Variants in NID1 observed in about 807,000 individuals in gnomAD.
The protein encoded by NID1 is nidogen 1, also known as nidogen-1.
A neutral mutation model predicts 130.6 loss-of-function variants in NID1; 76 were observed. That is an observed-to-expected ratio of 0.58 (90% CI 0.48 to 0.70). The LOEUF is 0.70. Among genes scored for constraint, NID1 ranks in the 30% least tolerant of loss-of-function variants. NID1 has a pLI of 0.00. For synonymous variants in NID1, 665 were observed against 675.1 expected, an observed-to-expected ratio of 0.98 and a Z score of 0.23; for missense variants, 1,517 against 1,664.8, an observed-to-expected ratio of 0.91 and a Z score of 1.54.
chr1:235,985,402 T>C lies in NID1; in HGVS notation c.3032A>G (p.Glu1011Gly), dbSNP rs756241835. The C allele has an allele frequency of 1.9e-6, 3 of 1,614,022 alleles. No individual in the cohort carries two copies. The highest frequency in any genetic ancestry group is 2.2e-5 in the South Asian group (2 of 91,080). ...SIGRASLHGG[E>G]PTTIIRQDLG... ...ACCTTGTCTAATGATGGTGGTTGGC[T>C]CTCCACCATGTAGACTAGCTCTCCC... Residue 1011 changes from glutamate (E) to glycine (G), a missense_variant, in exon 15 of 20, where the codon GAG (glutamate) becomes GGG (glycine). Glu to Gly is a moderately conservative substitution (Grantham distance 98, BLOSUM62 -2). Transcript: ENST00000264187.
In NID1 at chr1:236,038,906, C is replaced by T. The variant is rs866013055; in HGVS notation, c.1136-653G>A. ...CCTATGTTATATAGGTCATATATAA[C>T]ATAAATATATTACATATATGTAATA... is the stretch of plus-strand genomic sequence containing the variant. On this transcript the variant is annotated intron_variant, in intron 4 of 19. Transcript: ENST00000264187. Among the ~76,000 whole-genome samples, 159 of 111,010 alleles carry T rather than the reference C, an allele frequency of 1.4e-3. 1 individual carries two copies. Among genetic ancestry groups the T allele is most frequent in the African/African-American group, 5.1e-3 (123 of 24,326 alleles). The allele number at this position is 111,010 out of a possible 152,430, so 72.8% of individuals were successfully genotyped here. A position where few individuals can be genotyped will look rare whatever the true frequency, so the allele number is the denominator to read the frequency against.
intron 7 of NID1, 52 bp downstream of exon 7, chr1:236,029,498 A>G: frequency 6.6e-7 from 1 of 1,522,296 alleles, no homozygotes. Flanking sequence ...GGTCAAGAGC[A>G]CGAGGCTAGT....
At chr1:235,998,374 G>C (rs983025716) in intron 12 of NID1, among the ~76,000 whole-genome samples, 23 of 152,106 alleles carry the variant, frequency 1.5e-4, no homozygotes, top group African/African-American at 5.6e-4. Flanking sequence ...AAGCCATCTG[G>C]TTAGAATAAA....
At chr1:236,047,128 A>G (rs930545715) in intron 2 of NID1, among the ~76,000 whole-genome samples, 1 of 152,190 alleles carries the variant, frequency 6.6e-6, no homozygotes, top group East Asian at 1.9e-4. Flanking sequence ...AAACAAAAAC[A>G]AAAACAAAAA....
chr1:236,010,944 G>A (rs573637388), intron 12 of NID1, among the ~76,000 whole-genome samples: 15 of 152,310 alleles, frequency 9.8e-5, no homozygotes, highest in Middle Eastern at 3.4e-3. Context: ...TAGGAATGGA[G>A]CTGATGCATT....
chr1:236,015,498 T>G (rs1357434315), intron 10 of NID1, among the ~76,000 whole-genome samples: 1 of 151,726 alleles, frequency 6.6e-6, no homozygotes, highest in African/African-American at 2.4e-5. Context: ...AATACAAAAC[T>G]TAGCTGGGAG....
chr1:235,987,437 A>C (rs1342083895), intron 14 of NID1, among the ~76,000 whole-genome samples: 2 of 152,256 alleles, frequency 1.3e-5, no homozygotes, highest in Non-Finnish European at 2.9e-5. Context: ...TGAAAGGTAC[A>C]CAGGACCTCT....
chr1:236,042,927 G>C (rs927287147), intron 3 of NID1, among the ~76,000 whole-genome samples: 1 of 152,188 alleles, frequency 6.6e-6, no homozygotes, highest in African/African-American at 2.4e-5. Context: ...CTCCAGGGAG[G>C]GGAGATGGGC....
chr1:236,044,788 G>A (rs1659550386), intron 3 of NID1, among the ~76,000 whole-genome samples: 1 of 152,164 alleles, frequency 6.6e-6, no homozygotes, highest in African/African-American at 2.4e-5. Flanking sequence ...CACCATTTCT[G>A]TTGTAAGAAT....
In NID1 at chr1:236,029,792, C is replaced by G. The variant is rs544844102; in HGVS notation, c.1538-42G>C. The stretch of plus-strand genomic sequence containing the variant: ...GACTGTCACTTTGCTGACTGGGGAG[C>G]GCGCCCTTCTGCCCGCCCCAGGCTC... On this transcript the variant is annotated intron_variant, in intron 6 of 19. Transcript: ENST00000264187. The G allele has an allele frequency of 2.5e-6, 4 of 1,597,924 alleles. No individual in the cohort carries two copies. In the South Asian group the frequency reaches 4.4e-5, roughly 18 times the overall value.
At chr1:236,035,005 T>TTA (rs1553347901) in intron 5 of NID1, among the ~76,000 whole-genome samples, 1 of 150,322 alleles carries the variant, frequency 6.7e-6, no homozygotes, top group Non-Finnish European at 1.5e-5. Context: ...TCTTTTTTTT[T>TTA]ATTATACTTT....
intron 14 of NID1, among the ~76,000 whole-genome samples, chr1:235,989,454 A>C (rs982472585): frequency 6.6e-6 from 1 of 152,210 alleles, no homozygotes; most frequent in Non-Finnish European, 1.5e-5. Context: ...GAATACAATG[A>C]TCATGCATGC....
rs903038956 is a variant in NID1 at position 236,013,395 on chromosome 1, C to T, written c.2404+16G>A. 2 of 1,613,268 alleles carry T rather than the reference C, an allele frequency of 1.2e-6. No homozygotes were observed. The highest frequency in any genetic ancestry group is 3.3e-5 in the Admixed American group (2 of 59,996). Reference sequence around the variant, plus strand: ...TCTCAGGTTACACACAGGGGAAGATCAGAGCAACCACACACCTTGGCAGGC... The same window carrying T: ...TCTCAGGTTACACACAGGGGAAGATTAGAGCAACCACACACCTTGGCAGGC... On this transcript the variant is annotated intron_variant, in intron 11 of 19. Transcript: ENST00000264187.
In NID1 at chr1:235,990,990, G is replaced by A. The variant is rs373483665; in HGVS notation, c.2824C>T (p.Pro942Ser). ...TGGGCAAAGAGTAAATGGGTCCCAG[G>A]AGGCAAGGGGATCACGGCGGTAGGC... ...AVPTAVIPLPPGTHLLFAQTG... is the reference protein window; with the variant it reads ...AVPTAVIPLPSGTHLLFAQTG... The change falls in exon 14 of 20, where the codon CCT becomes TCT. Residue 942 changes from proline to serine, a missense_variant. Pro to Ser is a moderately conservative substitution (Grantham distance 74). This residue lies in a region of NID1 where 1,329 missense variants were observed against 1,429.2 expected (regional missense o/e 0.93). Transcript: ENST00000264187. 37 of 1,613,876 alleles carry A rather than the reference G, an allele frequency of 2.3e-5. No individual in the cohort carries two copies. Among genetic ancestry groups the A allele is most frequent in the Non-Finnish European group, 2.9e-5 (34 of 1,179,952 alleles).
At chr1:236,030,512 A>G (rs1044926547) in intron 6 of NID1, among the ~76,000 whole-genome samples, 4 of 152,248 alleles carry the variant, frequency 2.6e-5, no homozygotes, top group African/African-American at 9.6e-5. Context: ...TGAAAATTAT[A>G]TACAATTTAA....
chr1:235,990,916 C>A lies in NID1; in HGVS notation c.2898G>T (p.Lys966Asn). ...CATGAAGGAACGCCTTTGCTTCTGT[C>A]TTCCTCATGGTATTTCCCTCCAGGG... ...RLPLEGNTMR[K>N]TEAKAFLHVP... is the part of the protein sequence containing the mutation. Residue 966 changes from lysine (K) to asparagine (N), a missense_variant, in exon 14 of 20, where the codon AAG becomes AAT. Physicochemically the swap from Lys to Asn is moderately conservative, Grantham distance 94. Transcript: ENST00000264187. 6.2e-7 allele frequency: 1 copy of A among 1,614,168 alleles called. No homozygotes were observed. Among genetic ancestry groups the A allele is most frequent in the Non-Finnish European group, 8.5e-7 (1 of 1,180,030 alleles).
intron 10 of NID1, among the ~76,000 whole-genome samples, chr1:236,015,014 T>C (rs1004758055): frequency 1.1e-4 from 16 of 152,210 alleles, no homozygotes; most frequent in Non-Finnish European, 2.2e-4. Flanking sequence ...TCCCCGATAA[T>C]GGATACCAAT....
chr1:236,045,712 T>G (rs751173944), intron 2 of NID1, 29 bp from the exon 3 acceptor site: 3 of 1,544,856 alleles, frequency 1.9e-6, no homozygotes, highest in Non-Finnish European at 2.7e-6. Context: ...ATTCAGTTAC[T>G]CGGAAAAATA....
chr1:236,004,547 G>A (rs1658186931), intron 12 of NID1, among the ~76,000 whole-genome samples: 1 of 151,990 alleles, frequency 6.6e-6, no homozygotes, highest in South Asian at 2.1e-4. Flanking sequence ...TGGATCAGGA[G>A]GTCAGGAGAT....
Sources: allele counts gnomAD v4.1 joint callset (sites outside exome capture counted in the v4.1 genomes callset), GRCh38; gene constraint gnomAD v4.1.1; regional missense constraint gnomAD v4.1.1; transcripts MANE v1.5; gene names NCBI Gene and HGNC (gene_info 2026-07-23, HGNC 2026-07-21).